PAPSS2: variants seen among roughly 807,000 people sequenced by gnomAD.
PAPSS2 encodes the protein 3'-phosphoadenosine 5'-phosphosulfate synthase 2.
Under a neutral mutation model 66.5 loss-of-function variants are expected in PAPSS2, and 61 were observed. That is an observed-to-expected ratio of 0.92 (90% CI 0.75 to 1.14). The LOEUF (loss-of-function observed/expected upper bound fraction) is 1.14, where lower values mean the gene tolerates loss of function less well. Ranked by LOEUF, PAPSS2 falls within the 50% of genes most tolerant of loss-of-function variation. PAPSS2 has a pLI of 0.00. For synonymous variants in PAPSS2, 289 were observed against 287.5 expected (o/e 1.01, Z -0.05); for missense variants, 708 against 789.6 (o/e 0.90, Z 1.24).
intron 1 of PAPSS2, among the ~76,000 whole-genome samples, chr10:87,685,987 C>T (rs1317629464): frequency 1.3e-5 from 2 of 152,094 alleles, no homozygotes; most frequent in East Asian, 3.9e-4. Flanking sequence ...CATTATTGGC[C>T]TTTGGTGTGA....
At position 87,706,144 on chromosome 10, in the gene PAPSS2, A is replaced by G. The variant is rs113608843; in HGVS notation, c.28-3052A>G. Among the ~76,000 whole-genome samples, 267 of 101,292 alleles carry G rather than the reference A, an allele frequency of 2.6e-3. 3 individuals carry two copies. The highest frequency in any genetic ancestry group is 4.6e-3 in the African/African-American group (91 of 19,744). 66.5% of individuals were successfully genotyped at this position (101,292 alleles called of 152,430 possible). On this transcript the variant is annotated intron_variant, in intron 1 of 12. Coordinates refer to ENST00000456849, the MANE Select transcript of PAPSS2 (RefSeq NM_001015880.2). Reference sequence around the variant, plus strand: ...TGTGTGTGTGTGTGTGTGTGTGTATATATATACCCTCTCCCTCAGAGAGTG... The same window carrying G: ...TGTGTGTGTGTGTGTGTGTGTGTATGTATATACCCTCTCCCTCAGAGAGTG...
At chr10:87,670,654 A>C (rs1852865638) in intron 1 of PAPSS2, among the ~76,000 whole-genome samples, 1 of 152,114 alleles carries the variant, frequency 6.6e-6, no homozygotes, top group African/African-American at 2.4e-5. Flanking sequence ...ATGAAATTGA[A>C]GTCTTTTACT....
At chr10:87,729,794 C>T (rs1227948803) in intron 9 of PAPSS2, among the ~76,000 whole-genome samples, 3 of 151,996 alleles carry the variant, frequency 2.0e-5, no homozygotes, top group Non-Finnish European at 4.4e-5. Flanking sequence ...GTCAGGAGTC[C>T]GAGACCAGCC....
At chr10:87,710,203 C>T (rs990645099) in intron 2 of PAPSS2, among the ~76,000 whole-genome samples, 6 of 152,228 alleles carry the variant, frequency 3.9e-5, no homozygotes, top group African/African-American at 7.2e-5. Context: ...TGCCTTGCAT[C>T]TTTTCTTGCT....
chr10:87,747,550 CAT>C lies in PAPSS2; in HGVS notation c.*1581_*1582del, dbSNP rs1296983835. 5 of 152,098 alleles carry C rather than the reference CAT, an allele frequency of 3.3e-5. No homozygotes were observed. Among genetic ancestry groups the C allele is most frequent in the Non-Finnish European group, 1.5e-5 (1 of 67,956 alleles). 9.4% of individuals were successfully genotyped at this position (152,098 alleles called of 1,614,324 possible). On this transcript the variant is annotated 3_prime_UTR_variant, in exon 13 of 13. Coordinates refer to ENST00000456849, the MANE Select transcript of PAPSS2 (RefSeq NM_001015880.2). ...AAAAAACCAGCATATTTATTGAAAA[CAT>C]GAGACAGGATTATAGTGCCTTAACC... is the stretch of plus-strand genomic sequence containing the variant.
chr10:87,706,102 ATATATATGTG>A (rs1395891402), intron 1 of PAPSS2, among the ~76,000 whole-genome samples: 3 of 78,316 alleles, frequency 3.8e-5, no homozygotes, highest in African/African-American at 2.5e-4. Flanking sequence ...ATATATATAT[ATATATATGTG>A]TGTGTGTGTG....
At chr10:87,700,729 A>G (rs1178524892) in intron 1 of PAPSS2, among the ~76,000 whole-genome samples, 6 of 152,012 alleles carry the variant, frequency 3.9e-5, no homozygotes, top group South Asian at 2.1e-4. Context: ...AAAAACAACT[A>G]TCAGAACCAT....
chr10:87,702,350 C>G (rs1853329024), intron 1 of PAPSS2, among the ~76,000 whole-genome samples: 1 of 152,148 alleles, frequency 6.6e-6, no homozygotes, highest in South Asian at 2.1e-4. Context: ...TATCTCTGAG[C>G]AGTAGTTTTC....
intron 7 of PAPSS2, among the ~76,000 whole-genome samples, chr10:87,719,527 C>T (rs1188426826): frequency 3.9e-5 from 6 of 152,254 alleles, no homozygotes; most frequent in East Asian, 3.9e-4. Context: ...GAGCCTAAGG[C>T]GGGAGGATCA....
At chr10:87,715,681 C>A in intron 6 of PAPSS2, 51 bp from the exon 7 acceptor site, 1 of 1,177,764 alleles carries the variant, frequency 8.5e-7, no homozygotes, top group Non-Finnish European at 1.3e-6. Context: ...GGGCCAGATG[C>A]CTGGAAAACA....
chr10:87,695,146 C>CAG (rs3837327), intron 1 of PAPSS2, among the ~76,000 whole-genome samples: 76,894 of 151,900 alleles, frequency 0.51, 20,446 homozygotes, highest in African/African-American at 0.65. Context: ...TTATAAAAAA[C>CAG]AAAGTTATTT....
At chr10:87,697,431 A>C (rs1853248329) in intron 1 of PAPSS2, among the ~76,000 whole-genome samples, 1 of 152,222 alleles carries the variant, frequency 6.6e-6, no homozygotes, top group Admixed American at 6.5e-5. Flanking sequence ...AGCCAGACAC[A>C]GACCCCTGAC....
At chr10:87,679,840 A>G (rs1192843038) in intron 1 of PAPSS2, among the ~76,000 whole-genome samples, 1 of 152,086 alleles carries the variant, frequency 6.6e-6, no homozygotes, top group African/African-American at 2.4e-5. Flanking sequence ...AGCCTGGGCA[A>G]CATGACAAAA....
At chr10:87,664,063 T>G (rs1852786583) in intron 1 of PAPSS2, among the ~76,000 whole-genome samples, 1 of 152,160 alleles carries the variant, frequency 6.6e-6, no homozygotes, top group Admixed American at 6.5e-5. Context: ...CACACCATCA[T>G]GCCTGGCTAA....
At chr10:87,710,540 C>T (rs990053797) in intron 2 of PAPSS2, among the ~76,000 whole-genome samples, 8 of 152,076 alleles carry the variant, frequency 5.3e-5, no homozygotes, top group Non-Finnish European at 1.2e-4. Context: ...AAACAACTTT[C>T]GTGTTGGGCT....
intron 1 of PAPSS2, among the ~76,000 whole-genome samples, chr10:87,663,950 A>C (rs1013636670): frequency 2.0e-5 from 3 of 152,204 alleles, no homozygotes; most frequent in Non-Finnish European, 4.4e-5. Context: ...GTTTTGAGAC[A>C]GGCTGGAGTG....
chr10:87,713,353 C>G (rs777502780), intron 3 of PAPSS2, 43 bp downstream of exon 3: 1 of 1,101,564 alleles, frequency 9.1e-7, no homozygotes, highest in South Asian at 1.3e-5. Flanking sequence ...ACACGATTCC[C>G]ACACACAGTG....
rs754413681 is a variant in PAPSS2, at chr10:87,743,330, C to A, written c.1223-43C>A. 6.9e-6 allele frequency: 11 copies of A among 1,599,040 alleles called. No homozygotes were observed. The East Asian group carries it at 2.5e-4, about 36-fold the overall frequency. On this transcript the variant is annotated intron_variant, in intron 10 of 12. Coordinates refer to ENST00000456849, the MANE Select transcript of PAPSS2 (RefSeq NM_001015880.2). The stretch of plus-strand genomic sequence containing the variant: ...TTCTGTTCTTGTGGAGAAATGACAC[C>A]ATGTGTTTCTGTGACCTTCCTTCTT...
At chr10:87,740,165 T>C (rs34122192) in intron 9 of PAPSS2, among the ~76,000 whole-genome samples, 11,507 of 147,988 alleles carry the variant, frequency 0.078, 434 homozygotes, top group Middle Eastern at 0.13. Context: ...AGAGTATTCA[T>C]TGCCAATGAT....
Sources: allele counts gnomAD v4.1 joint callset (sites outside exome capture counted in the v4.1 genomes callset), GRCh38; gene constraint gnomAD v4.1.1; transcripts MANE v1.5; gene names NCBI Gene and HGNC (gene_info 2026-07-23, HGNC 2026-07-21).